GDPD5: variants seen among roughly 807,000 people sequenced by gnomAD.
The protein encoded by GDPD5 is glycerophosphodiester phosphodiesterase domain containing 5.
GDPD5 carries 48 observed loss-of-function variants against 75.1 expected under a neutral mutation model. The ratio of observed to expected loss-of-function variants is 0.64; its 90% CI spans 0.51 to 0.81. GDPD5 has a LOEUF of 0.81. Ranked by LOEUF, GDPD5 falls within the 40% of genes least tolerant of loss-of-function variation. The probability of loss-of-function intolerance (pLI) is 0.00; values close to 1 mark genes in which losing one functional copy is unlikely to be tolerated. For synonymous variants in GDPD5, 336 were observed against 339.0 expected, an observed-to-expected ratio of 0.99 and a Z score of 0.10; for missense variants, 706 against 822.6, an observed-to-expected ratio of 0.86 and a Z score of 1.73.
intron 4 of GDPD5, among the ~76,000 whole-genome samples, chr11:75,458,673 AAAATAAAT>A (rs71036053): frequency 6.8e-6 from 1 of 147,324 alleles, no homozygotes; most frequent in Admixed American, 6.8e-5. Context: ...CTCTGTCTCA[AAAATAAAT>A]AAATAAATAA....
chr11:75,478,412 C>T (rs1949828624), intron 2 of GDPD5, among the ~76,000 whole-genome samples: 1 of 152,238 alleles, frequency 6.6e-6, no homozygotes, highest in African/African-American at 2.4e-5. Context: ...TCCCAAAGTG[C>T]TGGGATGACA....
Position 75,477,638 on chromosome 11 carries a change from G to T in GDPD5, c.98C>A (p.Ser33Tyr). 2 of 1,594,524 alleles carry T rather than the reference G, an allele frequency of 1.3e-6. No homozygotes were observed. Among genetic ancestry groups the T allele is most frequent in the Non-Finnish European group, 1.7e-6 (2 of 1,165,928 alleles). The change falls in exon 3 of 17, where the codon TCC (serine) becomes TAC (tyrosine). Residue 33 changes from serine to tyrosine, a missense_variant. Ser to Tyr is a moderately radical substitution (Grantham distance 144). Transcript: ENST00000336898. The stretch of plus-strand genomic sequence containing the variant: ...GCTCACCGGTGTGGTATCATCATGG[G>T]AGCGCTGGTAGCGCTTCCAACGGCA... ...YGCRWKRYQR[S>Y]HDDTTPWERL...
chr11:75,453,370 G>A (rs995878827), intron 6 of GDPD5, among the ~76,000 whole-genome samples: 2 of 152,166 alleles, frequency 1.3e-5, no homozygotes, highest in African/African-American at 4.8e-5. Context: ...TGTAGTCCCA[G>A]CACTTTGGGA....
chr11:75,448,284 C>G (rs1369516960), intron 9 of GDPD5, among the ~76,000 whole-genome samples: 1 of 152,204 alleles, frequency 6.6e-6, no homozygotes, highest in Admixed American at 6.5e-5. Flanking sequence ...CTGCCTCTTA[C>G]TTTCTGTGCA....
chr11:75,521,563 G>A (rs959795909), intron 1 of GDPD5, among the ~76,000 whole-genome samples: 2 of 152,302 alleles, frequency 1.3e-5, no homozygotes, highest in South Asian at 2.1e-4. Context: ...GATATCAGCT[G>A]TTGTTGATAT....
intron 1 of GDPD5, among the ~76,000 whole-genome samples, chr11:75,493,374 GTTTTTTAT>G (rs1021192113): frequency 1.4e-5 from 2 of 141,402 alleles, no homozygotes; most frequent in Admixed American, 7.3e-5. Context: ...ACTCTTCTCT[GTTTTTTAT>G]TTTTTTATTT....
chr11:75,507,841 T>C (rs965297869), intron 1 of GDPD5, among the ~76,000 whole-genome samples: 3 of 152,166 alleles, frequency 2.0e-5, no homozygotes, highest in Non-Finnish European at 2.9e-5. Context: ...ACACACGCAT[T>C]GACCATCACA....
At chr11:75,517,494 T>G (rs1262689841) in intron 1 of GDPD5, 1 of 150,982 alleles carries the variant, frequency 6.6e-6, no homozygotes, top group Admixed American at 6.6e-5. Flanking sequence ...ACAAAAAAAC[T>G]GCACACTTCC....
intron 1 of GDPD5, among the ~76,000 whole-genome samples, chr11:75,501,516 A>G (rs919886159): frequency 6.6e-6 from 1 of 152,238 alleles, no homozygotes; most frequent in African/African-American, 2.4e-5. Context: ...GACTCGGGCC[A>G]TGGCCTCGCT....
rs775416335 is a variant in GDPD5, at chr11:75,477,676, C to G, written c.60G>C (p.Thr20=). 1 of 1,600,516 alleles carries G rather than the reference C, an allele frequency of 6.2e-7. No homozygotes were observed. The highest frequency in any genetic ancestry group is 1.7e-5 in the Admixed American group (1 of 59,680). Residue 20 remains threonine, a synonymous_variant, in exon 3 of 17, where the codon ACG becomes ACC. Transcript: ENST00000336898. ...YEPQLCLSCL[T]GIYGCRWKRY... is the part of the protein sequence containing the mutation. ...GCTTCCAACGGCAGCCGTAGATGCC[C>G]GTGAGGCAGGAGAGGCACAGCTGTG...
rs1592083726 is a variant in GDPD5 at position 75,455,919 on chromosome 11, T to C, written c.375+838A>G. On this transcript the variant is annotated intron_variant, in intron 6 of 16. Coordinates refer to ENST00000336898, the MANE Select transcript of GDPD5 (RefSeq NM_030792.8). Reference sequence around the variant, plus strand: ...AGGGGGGGCACTGGGAACAGGGAGATGGAGGTTAACTCTGGCCTGCAAAGA... The same window carrying C: ...AGGGGGGGCACTGGGAACAGGGAGACGGAGGTTAACTCTGGCCTGCAAAGA... Among the ~76,000 whole-genome samples the C allele has an allele frequency of 2.0e-5, 3 of 152,284 alleles. No homozygotes were observed. In the South Asian group the frequency reaches 6.2e-4, roughly 32 times the overall value.
intron 1 of GDPD5, among the ~76,000 whole-genome samples, chr11:75,512,590 T>C (rs117648154): frequency 0.013 from 2,026 of 152,230 alleles, 12 homozygotes; most frequent in Non-Finnish European, 0.02. Flanking sequence ...CCAAAACTGT[T>C]AGAGTTGTTT....
In GDPD5 at chr11:75,468,877, C is replaced by T. The variant is rs540109123; in HGVS notation, c.118-5988G>A. On this transcript the variant is annotated intron_variant, in intron 3 of 16. Coordinates refer to ENST00000336898, the MANE Select transcript of GDPD5 (RefSeq NM_030792.8). ...ACCGGCTGTGTGGCTGTAGGCCAAT[C>T]GCTCAGGACCTCTGACCTCAGCTTC... Among the ~76,000 whole-genome samples, 46 of 152,334 alleles carry T rather than the reference C, an allele frequency of 3.0e-4. No homozygotes were observed. In the South Asian group the frequency reaches 9.1e-3, roughly 30 times the overall value.
Position 75,435,391 on chromosome 11 carries a change from A to G in GDPD5, c.*116T>C. The G allele has an allele frequency of 1.0e-6, 1 of 985,806 alleles. No individual in the cohort carries two copies. Among genetic ancestry groups the G allele is most frequent in the Non-Finnish European group, 1.5e-6 (1 of 684,428 alleles). The allele number at this position is 985,806 out of a possible 1,614,324, so 61.1% of individuals were successfully genotyped here. A position where few individuals can be genotyped will look rare whatever the true frequency, so the allele number is the denominator to read the frequency against. On this transcript the variant is annotated 3_prime_UTR_variant, in exon 17 of 17. Transcript: ENST00000336898. ...TGCGGCTGACAAGGGGCTGGAGCCC[A>G]CAAGGAGGCTGTGGAGCCCGCTCCC...
intron 16 of GDPD5, 22 bp from the exon 17 acceptor site, chr11:75,435,677 G>A: frequency 6.4e-7 from 1 of 1,574,212 alleles, no homozygotes; most frequent in Non-Finnish European, 8.7e-7. Context: ...GAGGGAGACA[G>A]AATGTGAGTC....
intron 1 of GDPD5, among the ~76,000 whole-genome samples, chr11:75,498,624 A>C (rs1329424044): frequency 6.6e-6 from 1 of 152,208 alleles, no homozygotes; most frequent in East Asian, 1.9e-4. Flanking sequence ...CCCAAAGCCA[A>C]GTCATCTGGG....
At chr11:75,448,331 C>A (rs1472843896) in intron 9 of GDPD5, among the ~76,000 whole-genome samples, 2 of 152,196 alleles carry the variant, frequency 1.3e-5, no homozygotes, top group South Asian at 4.1e-4. Context: ...CATGCTAACT[C>A]CTGCTCCTCA....
At chr11:75,447,393 T>G (rs1949012813) in intron 9 of GDPD5, among the ~76,000 whole-genome samples, 1 of 152,194 alleles carries the variant, frequency 6.6e-6, no homozygotes, top group Non-Finnish European at 1.5e-5. Flanking sequence ...ATTGTTGCTA[T>G]GCATCTTTCT....
At chr11:75,443,352 G>A (rs570616749) in intron 10 of GDPD5, 66 bp from the exon 11 acceptor site, 61 of 1,521,312 alleles carry the variant, frequency 4.0e-5, no homozygotes, top group Admixed American at 1.2e-4. Flanking sequence ...ACCAATGATC[G>A]TCACCCCACA....
Sources: gnomAD v4.1 joint callset for allele counts (sites outside exome capture counted in the v4.1 genomes callset) on GRCh38, gnomAD v4.1.1 for gene constraint, MANE v1.5 for transcripts, NCBI Gene and HGNC (gene_info 2026-07-23, HGNC 2026-07-21) for gene names.